The following ISY1 variants were observed in gnomAD, a reference collection of about 807,000 sequenced individuals.
The protein encoded by ISY1 is pre-mRNA-splicing factor ISY1 homolog.
Under a neutral mutation model 54.4 loss-of-function variants are expected in ISY1, and 12 were observed. The ratio of observed to expected loss-of-function variants is 0.22; its 90% confidence interval spans 0.14 to 0.36. The LOEUF is 0.36. Among genes scored for constraint, ISY1 ranks in the 10% least tolerant of loss-of-function variants. ISY1 has a pLI of 1.00. For missense variants in ISY1, 282 were observed against 342.2 expected (o/e 0.82, Z 1.39); for synonymous variants, 96 against 117.9 (o/e 0.81, Z 1.20).
chr3:129,132,417 C>G (rs1057398120), intron 9 of ISY1, among the ~76,000 whole-genome samples: 3 of 152,208 alleles, frequency 2.0e-5, no homozygotes, highest in Non-Finnish European at 2.9e-5. Flanking sequence ...AGCCTCCACT[C>G]ACACCCAGCA....
chr3:129,157,493 C>T (rs975200258), intron 3 of ISY1, among the ~76,000 whole-genome samples: 2 of 152,036 alleles, frequency 1.3e-5, no homozygotes, highest in Admixed American at 1.3e-4. Context: ...TCAAGGCAGG[C>T]AGATTGCCTG....
rs143411230 is a variant in ISY1 at position 129,135,591 on chromosome 3, C to T, written c.419-637G>A. On this transcript the variant is annotated intron_variant, in intron 7 of 10. Coordinates refer to ENST00000393295, the MANE Select transcript of ISY1 (RefSeq NM_020701.4). ...CCAGCGTGGCCAATATGGTGAAACC[C>T]CATCTCTACTAAAAATACAAAAATT... Among the ~76,000 whole-genome samples, 957 of 151,590 alleles carry T rather than the reference C, an allele frequency of 6.3e-3. 18 individuals are homozygous for T. The East Asian group carries it at 0.067, about 11-fold the overall frequency.
At chr3:129,137,369 T>A (rs1395499967) in intron 7 of ISY1, among the ~76,000 whole-genome samples, 4 of 152,108 alleles carry the variant, frequency 2.6e-5, no homozygotes, top group African/African-American at 9.7e-5. Context: ...ATTTTCTTTC[T>A]AAAACAAAAA....
chr3:129,160,548 G>A (rs1937276446), intron 1 of ISY1, among the ~76,000 whole-genome samples: 1 of 152,042 alleles, frequency 6.6e-6, no homozygotes, highest in African/African-American at 2.4e-5. Context: ...CTACCCTCGT[G>A]ATGTCTGTAT....
intron 5 of ISY1, among the ~76,000 whole-genome samples, chr3:129,154,745 G>A (rs1355625907): frequency 7.5e-5 from 11 of 146,496 alleles, no homozygotes; most frequent in Admixed American, 4.2e-4. Flanking sequence ...CTGGAGTGCA[G>A]TGGCGCGATC....
intron 5 of ISY1, among the ~76,000 whole-genome samples, chr3:129,148,839 G>C (rs1448243291): frequency 6.6e-6 from 1 of 152,180 alleles, no homozygotes; most frequent in Non-Finnish European, 1.5e-5. Flanking sequence ...AAACTGCTAG[G>C]ATTACAGGCG....
chr3:129,156,538 C>A, intron 5 of ISY1, 95 bp downstream of exon 5: 2 of 1,287,424 alleles, frequency 1.6e-6, no homozygotes, highest in Non-Finnish European at 2.2e-6. Flanking sequence ...TTACTATCTA[C>A]TTGCTCTATT....
intron 2 of ISY1, 91 bp downstream of exon 2, chr3:129,159,063 C>G: frequency 6.7e-7 from 1 of 1,495,010 alleles, no homozygotes; most frequent in Non-Finnish European, 9.1e-7. Flanking sequence ...TCTCAAAAGG[C>G]TCAGATACCA....
chr3:129,148,355 C>T (rs1163845917), intron 5 of ISY1, among the ~76,000 whole-genome samples: 1 of 152,114 alleles, frequency 6.6e-6, no homozygotes, highest in African/African-American at 2.4e-5. Flanking sequence ...TTATAAGAAA[C>T]CACCAAACCC....
In ISY1 at chr3:129,129,272, C is replaced by G. The variant is rs944007102; in HGVS notation, c.*809G>C. The stretch of plus-strand genomic sequence containing the variant: ...ATAGCAAACTCAAATTCCTGCCACC[C>G]AGGCAGGAGCGAGTGGAGCAGGTGG... On this transcript the variant is annotated 3_prime_UTR_variant, in exon 11 of 11. Coordinates refer to ENST00000393295, the MANE Select transcript of ISY1 (RefSeq NM_020701.4). 8 of 152,172 alleles carry G rather than the reference C, an allele frequency of 5.3e-5. No homozygotes were observed. The highest frequency in any genetic ancestry group is 1.2e-4 in the African/African-American group (5 of 41,426). The allele number at this position is 152,172 out of a possible 1,614,324, so 9.4% of individuals were successfully genotyped here.
intron 6 of ISY1, 74 bp downstream of exon 6, chr3:129,145,687 G>T: frequency 6.9e-7 from 1 of 1,444,258 alleles, no homozygotes; most frequent in South Asian, 1.2e-5. Context: ...CGACTACTAT[G>T]GCAAGAATGA....
chr3:129,149,311 C>T (rs1284038800), intron 5 of ISY1, among the ~76,000 whole-genome samples: 2 of 151,028 alleles, frequency 1.3e-5, no homozygotes, highest in African/African-American at 4.9e-5. Flanking sequence ...TGCATGTAAT[C>T]CCAGCTACTT....
intron 5 of ISY1, among the ~76,000 whole-genome samples, chr3:129,147,238 G>A (rs530527928): frequency 1.3e-5 from 2 of 151,830 alleles, no homozygotes; most frequent in African/African-American, 2.4e-5. Flanking sequence ...TCAGCCAGGA[G>A]TGATGGTGCA....
At chr3:129,134,020 C>A in intron 9 of ISY1, 54 bp downstream of exon 9, 1 of 1,608,916 alleles carries the variant, frequency 6.2e-7, no homozygotes, top group Non-Finnish European at 8.5e-7. Context: ...CCCTGCCACA[C>A]TTCATGGCTT....
At position 129,129,718 on chromosome 3, in the gene ISY1, A is replaced by AT. The variant is rs1237509458; in HGVS notation, c.*362dup. 5.9e-6 allele frequency: 1 copy of AT among 168,458 alleles called. No individual in the cohort carries two copies. Among genetic ancestry groups the AT allele is most frequent in the African/African-American group, 2.4e-5 (1 of 42,092 alleles). The allele number at this position is 168,458 out of a possible 1,614,324, so 10.4% of individuals were successfully genotyped here. ...GAGATGTGTCTTTTAGAAAATTTGC[A>AT]TTTTTTAAAATTATACTTTGGTCTG... On this transcript the variant is annotated 3_prime_UTR_variant, in exon 11 of 11. Transcript: ENST00000393295.
In ISY1 at chr3:129,134,187, C is replaced by T. The variant is rs563215458; in HGVS notation, c.550G>A (p.Glu184Lys). Residue 184 changes from glutamate to lysine, a missense_variant, in exon 9 of 11, where the codon GAG (glutamate) becomes AAG (lysine). Glu to Lys is a moderately conservative substitution (Grantham distance 56, BLOSUM62 1). Around this residue, in one of 2 missense-constraint regions of ISY1, gnomAD observed 279 missense variants for 323.6 expected, o/e 0.86. Transcript: ENST00000393295. ...TCTGCTTTCCACTTTTCCACTAACT[C>T]GGCTCTGACTGAACACAAGAGAGGG... ...EQEYEKKLRA[E>K]LVEKWKAERE... The T allele has an allele frequency of 3.1e-6, 5 of 1,614,180 alleles. No homozygotes were observed. The African/African-American group carries it at 4.0e-5, about 13-fold the overall frequency.
At chr3:129,156,525 G>T in intron 5 of ISY1, 108 bp downstream of exon 5, 3 of 1,176,344 alleles carry the variant, frequency 2.6e-6, no homozygotes, top group Non-Finnish European at 3.7e-6. Flanking sequence ...TGTCCTTACT[G>T]ATTTACTATC....
chr3:129,140,236 T>C (rs1008395885), intron 7 of ISY1, 132 bp downstream of exon 7: 9 of 786,212 alleles, frequency 1.1e-5, no homozygotes, highest in Non-Finnish European at 1.8e-5. Flanking sequence ...AGTTAAAATC[T>C]GGGAACAATA....
At chr3:129,154,800 T>G (rs1470911840) in intron 5 of ISY1, among the ~76,000 whole-genome samples, 1 of 151,494 alleles carries the variant, frequency 6.6e-6, no homozygotes, top group Non-Finnish European at 1.5e-5. Context: ...GCCATTCTCC[T>G]GCCTCAGCCT....
Sources: gnomAD v4.1 joint callset for allele counts (sites outside exome capture counted in the v4.1 genomes callset) on GRCh38, gnomAD v4.1.1 for gene constraint, gnomAD v4.1.1 regional missense constraint, MANE v1.5 for transcripts, NCBI Gene and HGNC (gene_info 2026-07-23, HGNC 2026-07-21) for gene names.